CCDC172: variants seen among roughly 807,000 people sequenced by gnomAD.
The protein encoded by CCDC172 is coiled-coil domain containing 172, also known as coiled-coil domain-containing protein 172.
In CCDC172, 30 loss-of-function variants were observed where a neutral mutation model predicts 38.0. The ratio of observed to expected loss-of-function variants is 0.79; its 90% confidence interval spans 0.59 to 1.07. CCDC172 has a LOEUF of 1.07. Among genes scored for constraint, CCDC172 ranks in the 50% least tolerant of loss-of-function variants. CCDC172 has a pLI of 0.00. For synonymous variants in CCDC172, 78 were observed against 88.3 expected, an observed-to-expected ratio of 0.88 and a Z score of 0.66; for missense variants, 297 against 290.1, an observed-to-expected ratio of 1.02 and a Z score of -0.17.
intron 3 of CCDC172, among the ~76,000 whole-genome samples, chr10:116,327,351 G>A (rs1227881452): frequency 2.0e-5 from 3 of 151,904 alleles, no homozygotes; most frequent in Non-Finnish European, 4.4e-5. Context: ...TCTTGTTTAG[G>A]TTAATATTTT....
Position 116,340,860 on chromosome 10 carries a change from C to A in CCDC172, c.282+10C>A. ...GCTTCTTCAAACCTTTGTAAGTTTC[C>A]AGCCACCTAGAAAAATCTATTTCAC... On this transcript the variant is annotated intron_variant, in intron 4 of 8. Coordinates refer to ENST00000333254, the MANE Select transcript of CCDC172 (RefSeq NM_198515.3). 7.5e-7 allele frequency: 1 copy of A among 1,337,582 alleles called. No individual in the cohort carries two copies. The allele number at this position is 1,337,582 out of a possible 1,614,324, so 82.9% of individuals were successfully genotyped here.
At chr10:116,378,650 G>C in intron 8 of CCDC172, 140 bp downstream of exon 8, 4 of 654,222 alleles carry the variant, frequency 6.1e-6, no homozygotes, top group Non-Finnish European at 1.0e-5. Context: ...AAGATAACTA[G>C]GATCAGGATG....
intron 3 of CCDC172, among the ~76,000 whole-genome samples, chr10:116,331,919 G>A (rs993491900): frequency 1.3e-5 from 2 of 152,010 alleles, no homozygotes; most frequent in Admixed American, 6.6e-5. Flanking sequence ...AAATTCTCAG[G>A]ATATGACTCG....
intron 7 of CCDC172, among the ~76,000 whole-genome samples, chr10:116,374,110 A>G (rs1209347194): frequency 2.0e-5 from 3 of 152,116 alleles, no homozygotes; most frequent in Admixed American, 2.0e-4. Context: ...TGTATATGCT[A>G]CCTGCCTGCT....
chr10:116,341,659 G>T (rs1249530411), intron 4 of CCDC172, among the ~76,000 whole-genome samples: 1 of 151,772 alleles, frequency 6.6e-6, no homozygotes, highest in East Asian at 1.9e-4. Flanking sequence ...ATCCCTTTAA[G>T]TGTAAATTTT....
intron 5 of CCDC172, among the ~76,000 whole-genome samples, chr10:116,351,658 C>T (rs1054336794): frequency 6.6e-6 from 1 of 152,102 alleles, no homozygotes; most frequent in Non-Finnish European, 1.5e-5. Flanking sequence ...TCCCTTCTAT[C>T]ACAACTAAAA....
At chr10:116,325,184 G>C (rs112951022) in intron 2 of CCDC172, 94 bp downstream of exon 2, 2 of 1,492,066 alleles carry the variant, frequency 1.3e-6, no homozygotes, top group Admixed American at 1.7e-5. Context: ...GGTCAGAGCC[G>C]TTAGGGGAGC....
chr10:116,334,014 T>C (rs1237280232), intron 3 of CCDC172, among the ~76,000 whole-genome samples: 1 of 152,188 alleles, frequency 6.6e-6, no homozygotes, highest in Non-Finnish European at 1.5e-5. Context: ...GTTAAAAGGC[T>C]GTATACCTCA....
intron 7 of CCDC172, among the ~76,000 whole-genome samples, chr10:116,370,836 A>G (rs1435517986): frequency 1.3e-5 from 2 of 151,896 alleles, no homozygotes; most frequent in Non-Finnish European, 1.5e-5. Flanking sequence ...ATGATGTCCT[A>G]TGAAAGAAAA....
rs75706638 is a variant in CCDC172 at position 116,355,904 on chromosome 10, T to C, written c.449-1476T>C. On this transcript the variant is annotated intron_variant, in intron 5 of 8. Transcript: ENST00000333254. ...TGTTCCAAAATTATATAATGGTAATTGGATGCACATATCTGTGAAAATACT... is the reference window on the plus strand; with the variant it reads ...TGTTCCAAAATTATATAATGGTAATCGGATGCACATATCTGTGAAAATACT... Among the ~76,000 whole-genome samples the C allele has an allele frequency of 4.5e-3, 684 of 152,274 alleles. 5 individuals carry two copies. Among genetic ancestry groups the C allele is most frequent in the African/African-American group, 0.016 (645 of 41,552 alleles).
chr10:116,328,466 T>G (rs1027229026), intron 3 of CCDC172, among the ~76,000 whole-genome samples: 3 of 152,142 alleles, frequency 2.0e-5, no homozygotes, highest in African/African-American at 7.2e-5. Flanking sequence ...TAAAAGAGCT[T>G]CTTCTATTTT....
chr10:116,349,153 G>A (rs887466472), intron 5 of CCDC172, among the ~76,000 whole-genome samples: 7 of 152,088 alleles, frequency 4.6e-5, no homozygotes, highest in South Asian at 4.1e-4. Flanking sequence ...ACTGTCTCCC[G>A]TCACCCCCAG....
intron 5 of CCDC172, among the ~76,000 whole-genome samples, chr10:116,351,387 A>G (rs775551759): frequency 6.6e-6 from 1 of 152,214 alleles, no homozygotes; most frequent in Non-Finnish European, 1.5e-5. Flanking sequence ...ACTAGTGGAC[A>G]GAAACATTGT....
At chr10:116,325,514 T>C (rs895254706) in intron 3 of CCDC172, 126 bp downstream of exon 3, 9 of 675,858 alleles carry the variant, frequency 1.3e-5, no homozygotes, top group Non-Finnish European at 2.2e-5. Context: ...GTGCTGGCTG[T>C]TTTAGTTCCA....
Position 116,378,285 on chromosome 10 carries a change from T to C in CCDC172, c.654-138T>C, listed in dbSNP as rs777414189. On this transcript the variant is annotated intron_variant, in intron 7 of 8. Transcript: ENST00000333254. ...ATTTTATATAGTCTTTATGGAATTA[T>C]AGATAATTAAAATATGCCAATTATT... 5.7e-6 allele frequency: 5 copies of C among 871,860 alleles called. No homozygotes were observed. In the Admixed American group the frequency reaches 1.2e-4, roughly 21 times the overall value. 54.0% of individuals were successfully genotyped at this position (871,860 alleles called of 1,614,324 possible).
At chr10:116,356,865 T>C (rs1845003095) in intron 5 of CCDC172, among the ~76,000 whole-genome samples, 1 of 152,214 alleles carries the variant, frequency 6.6e-6, no homozygotes, top group South Asian at 2.1e-4. Context: ...AATTCTCTTT[T>C]GGTAGGCTAA....
intron 5 of CCDC172, among the ~76,000 whole-genome samples, chr10:116,353,357 A>T (rs550813784): frequency 1.3e-5 from 2 of 152,312 alleles, no homozygotes; most frequent in South Asian, 4.1e-4. Flanking sequence ...TATTTTAGAT[A>T]TGCACAAGCA....
chr10:116,363,735 G>A (rs1175239617), intron 7 of CCDC172, among the ~76,000 whole-genome samples: 11 of 151,890 alleles, frequency 7.2e-5, no homozygotes, highest in Admixed American at 7.2e-4. Context: ...TAAGGAGTTC[G>A]AGACTGGCCT....
chr10:116,343,030 C>G (rs1844815675), intron 5 of CCDC172, among the ~76,000 whole-genome samples: 1 of 152,164 alleles, frequency 6.6e-6, no homozygotes, highest in Admixed American at 6.5e-5. Context: ...CAAGAATGGA[C>G]TAATACAACT....
Sources: allele counts gnomAD v4.1 joint callset (sites outside exome capture counted in the v4.1 genomes callset), GRCh38; gene constraint gnomAD v4.1.1; transcripts MANE v1.5; gene names NCBI Gene and HGNC (gene_info 2026-07-23, HGNC 2026-07-21).